Variants in HKDC1 observed in about 807,000 individuals in gnomAD.
The protein encoded by HKDC1 is hexokinase HKDC1.
In HKDC1, 66 loss-of-function variants were observed where a neutral mutation model predicts 96.6. That is an observed-to-expected ratio of 0.68 (90% CI 0.56 to 0.84). The LOEUF (loss-of-function observed/expected upper bound fraction) is 0.84, where lower values mean the gene tolerates loss of function less well. Ranked by LOEUF, HKDC1 falls within the 40% of genes least tolerant of loss-of-function variation. The pLI, the probability that HKDC1 is intolerant of heterozygous loss-of-function variation, is 0.00. For missense variants in HKDC1, 1,211 were observed against 1,208.1 expected (o/e 1.00, Z -0.04); for synonymous variants, 466 against 473.1 (o/e 0.98, Z 0.20).
chr10:69,261,237 C>T lies in HKDC1; in HGVS notation c.2315C>T (p.Ser772Leu), dbSNP rs765331356. 9 of 1,614,056 alleles carry T rather than the reference C, an allele frequency of 5.6e-6. No individual in the cohort carries two copies. Among genetic ancestry groups the T allele is most frequent in the African/African-American group, 1.3e-5 (1 of 74,926 alleles). ...GGTCTCCTCTTCCGAGGGCAGATTT[C>T]AGAGCGTCTCCGGACCAGGGGCATC... ...KQGLLFRGQI[S>L]ERLRTRGIFE... The change falls in exon 16 of 18, where the codon TCA (serine) becomes TTA (leucine). Residue 772 changes from serine (S) to leucine (L), a missense_variant. Coordinates refer to ENST00000354624, the MANE Select transcript of HKDC1 (RefSeq NM_025130.4).
intron 17 of HKDC1, 47 bp downstream of exon 17, chr10:69,265,865 C>A (rs754955636): frequency 7.2e-7 from 1 of 1,396,322 alleles, no homozygotes; most frequent in Non-Finnish European, 1.0e-6. Context: ...GGAGGGCTGG[C>A]GGCCAAGTGT....
chr10:69,242,220 G>A (rs535051689), intron 6 of HKDC1, among the ~76,000 whole-genome samples: 6 of 152,288 alleles, frequency 3.9e-5, no homozygotes, highest in Admixed American at 1.3e-4. Context: ...GCCTCAGAAT[G>A]GTTCAGGCCC....
chr10:69,257,366 G>A lies in HKDC1; in HGVS notation c.1972G>A (p.Val658Met), dbSNP rs1364406534. 1 of 1,614,084 alleles carries A rather than the reference G, an allele frequency of 6.2e-7. No homozygotes were observed. Among genetic ancestry groups the A allele is most frequent in the Non-Finnish European group, 8.5e-7 (1 of 1,179,940 alleles). The part of the protein sequence containing the change: ...LDIVAVVNDT[V>M]GTMMTCGYED... Reference sequence around the variant, plus strand: ...CATTGTTGCAGTCGTGAATGATACAGTGGGGACCATGATGACCTGTGGCTA... The same window carrying A: ...CATTGTTGCAGTCGTGAATGATACAATGGGGACCATGATGACCTGTGGCTA... Residue 658 changes from valine to methionine, a missense_variant, in exon 14 of 18, where the codon GTG (valine) becomes ATG (methionine). Physicochemically the swap from Val to Met is conservative, Grantham distance 21. Transcript: ENST00000354624.
intron 6 of HKDC1, among the ~76,000 whole-genome samples, chr10:69,241,353 G>C (rs1287583634): frequency 3.3e-5 from 5 of 152,162 alleles, no homozygotes; most frequent in African/African-American, 1.2e-4. Flanking sequence ...CAAGTGAGAG[G>C]CAGAGGACAG....
At chr10:69,236,200 C>T (rs1335734489) in intron 4 of HKDC1, among the ~76,000 whole-genome samples, 2 of 150,526 alleles carry the variant, frequency 1.3e-5, no homozygotes, top group Non-Finnish European at 1.5e-5. Context: ...TCTCCGTCTC[C>T]CAGGTTCAGG....
At chr10:69,224,824 C>A (rs1050303921) in intron 1 of HKDC1, among the ~76,000 whole-genome samples, 1 of 152,164 alleles carries the variant, frequency 6.6e-6, no homozygotes, top group Non-Finnish European at 1.5e-5. Context: ...CTTGCTTAGA[C>A]GATATCTCCC....
At chr10:69,240,520 C>T (rs1843438864) in intron 5 of HKDC1, 132 bp from the exon 6 acceptor site, 2 of 664,460 alleles carry the variant, frequency 3.0e-6, no homozygotes, top group Non-Finnish European at 5.3e-6. Flanking sequence ...CTTGCTCCTT[C>T]AGACAGGCCC....
intron 16 of HKDC1, among the ~76,000 whole-genome samples, chr10:69,263,737 G>A (rs185627661): frequency 1.3e-5 from 2 of 152,264 alleles, no homozygotes; most frequent in Admixed American, 1.3e-4. Flanking sequence ...ACTTGAACTA[G>A]GTAAGCTGTG....
chr10:69,240,236 A>G (rs1436107487), intron 5 of HKDC1, among the ~76,000 whole-genome samples: 11 of 152,150 alleles, frequency 7.2e-5, no homozygotes, highest in African/African-American at 2.7e-4. Context: ...ACGTGAGCCC[A>G]GGAGTTTGAG....
intron 1 of HKDC1, chr10:69,225,716 C>G (rs1007214144): frequency 6.6e-6 from 1 of 152,158 alleles, no homozygotes; most frequent in Non-Finnish European, 1.5e-5. Context: ...TATGCATCCC[C>G]GACAGAGCTG....
chr10:69,261,681 T>C (rs1360914525), intron 16 of HKDC1: 1 of 179,244 alleles, frequency 5.6e-6, no homozygotes, highest in Non-Finnish European at 1.2e-5. Context: ...TCACAAAATA[T>C]CCTGTTAGTG....
In HKDC1 at chr10:69,266,654, G is replaced by T. The variant is rs759134508; in HGVS notation, c.2651G>T (p.Arg884Leu). 3 of 1,613,976 alleles carry T rather than the reference G, an allele frequency of 1.9e-6. No individual in the cohort carries two copies. Among genetic ancestry groups the T allele is most frequent in the Non-Finnish European group, 1.7e-6 (2 of 1,179,996 alleles). The change falls in exon 18 of 18, where the codon CGA (arginine) becomes CTA (leucine). Residue 884 changes from arginine to leucine, a missense_variant. Transcript: ENST00000354624. Reference protein sequence around the residue: ...LQETVKELAPRCDVTFMLSED... With the variant: ...LQETVKELAPLCDVTFMLSED... Reference sequence around the variant, plus strand: ...GAAACTGTGAAGGAACTAGCCCCTCGATGTGATGTGACATTCATGCTGTCA... The same window carrying T: ...GAAACTGTGAAGGAACTAGCCCCTCTATGTGATGTGACATTCATGCTGTCA...
chr10:69,256,923 C>A (rs1365429508), intron 12 of HKDC1, 113 bp from the exon 13 acceptor site: 12 of 773,058 alleles, frequency 1.6e-5, no homozygotes, highest in Non-Finnish European at 2.5e-5. Flanking sequence ...TAGTCAAAAG[C>A]ACACGTACTT....
intron 4 of HKDC1, among the ~76,000 whole-genome samples, chr10:69,233,442 G>A (rs1010946105): frequency 6.6e-6 from 1 of 152,122 alleles, no homozygotes; most frequent in Non-Finnish European, 1.5e-5. Flanking sequence ...GGAATCAGTG[G>A]TTCTGCAAGG....
At chr10:69,260,972 T>C (rs1034812387) in intron 15 of HKDC1, among the ~76,000 whole-genome samples, 167 bp from the exon 16 acceptor site, 6 of 152,188 alleles carry the variant, frequency 3.9e-5, no homozygotes, top group Non-Finnish European at 1.5e-5. Flanking sequence ...CTTCTCCCTG[T>C]TTTGTAGATG....
intron 2 of HKDC1, 39 bp from the exon 3 acceptor site, chr10:69,232,725 G>C (rs761205637): frequency 1.3e-5 from 21 of 1,593,102 alleles, no homozygotes; most frequent in Admixed American, 3.3e-5. Flanking sequence ...ATCTGTAGTA[G>C]ACCCTCAATA....
In HKDC1 at chr10:69,258,218, C is replaced by T. The variant is rs79848619; in HGVS notation, c.2033-558C>T. 8.8e-3 allele frequency among the ~76,000 whole-genome samples: 1,332 copies of T among 152,176 alleles called. 19 individuals carry two copies. Among genetic ancestry groups the T allele is most frequent in the African/African-American group, 0.028 (1,149 of 41,492 alleles). ...TCTGTCTGACTTGAGTTTCTTCATCCGTGGGAGGGATTGGGCTAGATCTAG... is the reference window on the plus strand; with the variant it reads ...TCTGTCTGACTTGAGTTTCTTCATCTGTGGGAGGGATTGGGCTAGATCTAG... On this transcript the variant is annotated intron_variant, in intron 14 of 17. Coordinates refer to ENST00000354624, the MANE Select transcript of HKDC1 (RefSeq NM_025130.4).
At chr10:69,264,195 TTCTGTGTGTG>T (rs1843853393) in intron 16 of HKDC1, among the ~76,000 whole-genome samples, 1 of 112,262 alleles carries the variant, frequency 8.9e-6, no homozygotes, top group African/African-American at 3.3e-5. Flanking sequence ...ATAGATTTCC[TTCTGTGTGTG>T]TGTGTGTGTG....
At chr10:69,244,071 T>C (rs1253552698) in intron 7 of HKDC1, among the ~76,000 whole-genome samples, 1 of 152,108 alleles carries the variant, frequency 6.6e-6, no homozygotes, top group Non-Finnish European at 1.5e-5. Context: ...CCTTGCTTTC[T>C]CGGAGGCCTA....
Sources: gnomAD v4.1 joint callset for allele counts (sites outside exome capture counted in the v4.1 genomes callset) on GRCh38, gnomAD v4.1.1 for gene constraint, MANE v1.5 for transcripts, NCBI Gene and HGNC (gene_info 2026-07-23, HGNC 2026-07-21) for gene names.